Variants in ZNF148 observed in about 807,000 individuals in gnomAD.
ZNF148 encodes Beta-Enolase Repressor Factor-1.
In ZNF148, 7 loss-of-function variants were observed where a neutral mutation model predicts 67.7. That is an observed-to-expected ratio of 0.10 (90% CI 0.06 to 0.19). The LOEUF (loss-of-function observed/expected upper bound fraction) is 0.19, where lower values mean the gene tolerates loss of function less well. ZNF148 is among the 10% of genes least tolerant of loss of function. The pLI is 1.00. For synonymous variants in ZNF148, 333 were observed against 330.7 expected (o/e 1.01, Z -0.08); for missense variants, 583 against 947.1 (o/e 0.62, Z 5.05).
chr3:125,359,885 G>A (rs931334610), intron 1 of ZNF148, among the ~76,000 whole-genome samples: 25 of 152,174 alleles, frequency 1.6e-4, no homozygotes, highest in African/African-American at 5.5e-4. Context: ...CAGCCCACCC[G>A]CCACCATGCA....
At chr3:125,261,926 TAAGAGAG>T (rs1248473083) in intron 7 of ZNF148, among the ~76,000 whole-genome samples, 2 of 149,680 alleles carry the variant, frequency 1.3e-5, no homozygotes, top group African/African-American at 2.5e-5. Context: ...CAAACTCATA[TAAGAGAG>T]AAAACAATTT....
intron 7 of ZNF148, among the ~76,000 whole-genome samples, chr3:125,272,561 C>T (rs1560130579): frequency 6.6e-6 from 1 of 151,942 alleles, no homozygotes; most frequent in Non-Finnish European, 1.5e-5. Flanking sequence ...ATGACTTCCC[C>T]TATCCTCCTA....
intron 2 of ZNF148, among the ~76,000 whole-genome samples, chr3:125,323,784 C>T (rs1940893156): frequency 6.6e-6 from 1 of 151,926 alleles, no homozygotes; most frequent in Admixed American, 6.6e-5. Flanking sequence ...CATGATGAAA[C>T]CCCGTCTCTA....
At chr3:125,334,639 G>A (rs750679773) in intron 1 of ZNF148, among the ~76,000 whole-genome samples, 4 of 152,120 alleles carry the variant, frequency 2.6e-5, no homozygotes, top group Non-Finnish European at 5.9e-5. Flanking sequence ...CTATGAGATA[G>A]TATTGTTATT....
At chr3:125,319,369 CG>C (rs1462188754) in intron 3 of ZNF148, among the ~76,000 whole-genome samples, 1 of 152,056 alleles carries the variant, frequency 6.6e-6, no homozygotes, top group Non-Finnish European at 1.5e-5. Flanking sequence ...GTCCAAAACT[CG>C]GGGAACTGTC....
At chr3:125,368,991 G>A (rs1942785338) in intron 1 of ZNF148, among the ~76,000 whole-genome samples, 1 of 148,688 alleles carries the variant, frequency 6.7e-6, no homozygotes, top group Non-Finnish European at 1.5e-5. Context: ...GCTCGGCGCA[G>A]TGGCTCACAC....
rs1935678687 is a variant in ZNF148, at chr3:125,227,227, T to G, written c.*5114A>C. 1 of 152,600 alleles carries G rather than the reference T, an allele frequency of 6.6e-6. No individual in the cohort carries two copies. The highest frequency in any genetic ancestry group is 2.4e-5 in the African/African-American group (1 of 41,446). 9.5% of individuals were successfully genotyped at this position (152,600 alleles called of 1,614,324 possible). On this transcript the variant is annotated 3_prime_UTR_variant, in exon 9 of 9. Coordinates refer to ENST00000360647, the MANE Select transcript of ZNF148 (RefSeq NM_021964.3). ...CAACAGTGTCTATATTATGTACATA[T>G]TTAATTATCAATAGGAAATAGAAAA...
intron 3 of ZNF148, among the ~76,000 whole-genome samples, chr3:125,317,371 AGG>A (rs1459196887): frequency 6.6e-6 from 1 of 152,148 alleles, no homozygotes; most frequent in Non-Finnish European, 1.5e-5. Flanking sequence ...TCTCACTGCT[AGG>A]GATATACAGT....
intron 1 of ZNF148, among the ~76,000 whole-genome samples, chr3:125,340,639 A>T (rs779319051): frequency 9.2e-5 from 14 of 152,006 alleles, no homozygotes; most frequent in Non-Finnish European, 1.5e-4. Context: ...ACCACAGCCC[A>T]CTCCTAAAAT....
chr3:125,371,372 A>AGGGGGGGG (rs59807253), intron 1 of ZNF148, among the ~76,000 whole-genome samples: 3 of 65,368 alleles, frequency 4.6e-5, no homozygotes, highest in Non-Finnish European at 7.9e-5. Context: ...AAAAAAAAAA[A>AGGGGGGGG]GGGGGGGGGG....
chr3:125,373,333 C>T (rs1476137398), intron 1 of ZNF148, among the ~76,000 whole-genome samples: 1 of 151,236 alleles, frequency 6.6e-6, no homozygotes, highest in Non-Finnish European at 1.5e-5. Flanking sequence ...TCAGGTGATC[C>T]GCTCGCCTCG....
chr3:125,328,120 T>C (rs1579815913), intron 2 of ZNF148, among the ~76,000 whole-genome samples: 1 of 152,000 alleles, frequency 6.6e-6, no homozygotes, highest in Admixed American at 6.5e-5. Context: ...TAAAGACACC[T>C]GGCCAAACTA....
In ZNF148 at chr3:125,227,129, C is replaced by T. The variant is rs1385530155; in HGVS notation, c.*5212G>A. The T allele has an allele frequency of 6.6e-6, 1 of 152,270 alleles. No individual in the cohort carries two copies. The highest frequency in any genetic ancestry group is 1.9e-4 in the East Asian group (1 of 5,190). The allele number at this position is 152,270 out of a possible 1,614,324, so 9.4% of individuals were successfully genotyped here. A position where few individuals can be genotyped will look rare whatever the true frequency, so the allele number is the denominator to read the frequency against. Reference sequence around the variant, plus strand: ...GAAATTTGCTCTAGCATTTTAGGAACTCTCAGTATTCATCAAATATTTCCA... The same window carrying T: ...GAAATTTGCTCTAGCATTTTAGGAATTCTCAGTATTCATCAAATATTTCCA... On this transcript the variant is annotated 3_prime_UTR_variant, in exon 9 of 9. Transcript: ENST00000360647.
chr3:125,321,860 T>C (rs1940787502), intron 3 of ZNF148, among the ~76,000 whole-genome samples: 3 of 151,966 alleles, frequency 2.0e-5, no homozygotes, highest in Non-Finnish European at 2.9e-5. Flanking sequence ...CTGTATACTA[T>C]GAACAAATGT....
chr3:125,363,448 T>C (rs1942604936), intron 1 of ZNF148, among the ~76,000 whole-genome samples: 1 of 152,146 alleles, frequency 6.6e-6, no homozygotes, highest in African/African-American at 2.4e-5. Flanking sequence ...TGCTAAGTGA[T>C]CTAATAATTT....
At chr3:125,299,408 T>C (rs1277475891) in intron 4 of ZNF148, among the ~76,000 whole-genome samples, 1 of 152,204 alleles carries the variant, frequency 6.6e-6, no homozygotes, top group Non-Finnish European at 1.5e-5. Context: ...CTTACACCTG[T>C]AATCCCAACA....
intron 4 of ZNF148, among the ~76,000 whole-genome samples, chr3:125,309,166 GTT>G (rs942147305): frequency 1.9e-4 from 29 of 152,264 alleles, no homozygotes; most frequent in African/African-American, 6.7e-4. Flanking sequence ...GATTATACAA[GTT>G]TATGCAGTTG....
chr3:125,235,986 A>C (rs1255957409), intron 7 of ZNF148, among the ~76,000 whole-genome samples: 1 of 150,414 alleles, frequency 6.6e-6, no homozygotes, highest in African/African-American at 2.4e-5. Context: ...GCATTAGGAG[A>C]TATATCTAAT....
chr3:125,259,385 C>A (rs554549658), intron 7 of ZNF148, among the ~76,000 whole-genome samples: 4 of 152,254 alleles, frequency 2.6e-5, no homozygotes, highest in African/African-American at 9.6e-5. Flanking sequence ...AACCAGAAAT[C>A]TCATAAGATA....
Sources: gnomAD v4.1 joint callset for allele counts (sites outside exome capture counted in the v4.1 genomes callset) on GRCh38, gnomAD v4.1.1 for gene constraint, MANE v1.5 for transcripts, NCBI Gene and HGNC (gene_info 2026-07-23, HGNC 2026-07-21) for gene names.